Variants in METTL24 observed in about 807,000 individuals in gnomAD.
METTL24 encodes the protein methyltransferase like 24, also known as probable methyltransferase-like protein 24.
Under a neutral mutation model 32.7 loss-of-function variants are expected in METTL24, and 29 were observed. The observed-to-expected ratio is 0.89, with a 90% CI of 0.66 to 1.21. The LOEUF is 1.21. Ranked by LOEUF, METTL24 falls within the 50% of genes most tolerant of loss-of-function variation. The probability of loss-of-function intolerance (pLI) is 0.00; values close to 1 mark genes in which losing one functional copy is unlikely to be tolerated. For synonymous variants in METTL24, 163 were observed against 179.5 expected (o/e 0.91, Z 0.73); for missense variants, 439 against 468.1 (o/e 0.94, Z 0.57).
chr6:110,357,811 A>G (rs1412150511), intron 1 of METTL24, 144 bp downstream of exon 1: 3 of 270,484 alleles, frequency 1.1e-5, no homozygotes, highest in South Asian at 1.5e-4. Flanking sequence ...GGAGCCGCCT[A>G]AGAGAGCACA....
chr6:110,331,957 T>C (rs1460938108), intron 1 of METTL24, among the ~76,000 whole-genome samples: 2 of 152,148 alleles, frequency 1.3e-5, no homozygotes, highest in African/African-American at 4.8e-5. Flanking sequence ...GCCCCCTCCC[T>C]GTCAAGACCC....
rs1164792975 is a variant in METTL24 at position 110,306,348 on chromosome 6, TA to T, written c.558-7199del. Among the ~76,000 whole-genome samples the T allele has an allele frequency of 7.9e-5, 12 of 150,978 alleles. No individual in the cohort carries two copies. The East Asian group carries it at 2.3e-3, about 29-fold the overall frequency. On this transcript the variant is annotated intron_variant, in intron 3 of 4. Transcript: ENST00000338882. ...AAATATTATTTAAATAAAATAAAAC[TA>T]AAAAAAAGAAAACAGTTTTTTACCA...
chr6:110,281,648 C>CAAA (rs551905021), intron 4 of METTL24, among the ~76,000 whole-genome samples: 1 of 116,030 alleles, frequency 8.6e-6, no homozygotes, highest in Non-Finnish European at 1.8e-5. Context: ...GACTCTGTCT[C>CAAA]AAAAAAAAAA....
intron 4 of METTL24, among the ~76,000 whole-genome samples, chr6:110,292,901 A>C (rs114077192): frequency 6.6e-6 from 1 of 151,884 alleles, no homozygotes; most frequent in African/African-American, 2.4e-5. Flanking sequence ...TCATATATCA[A>C]CTCTGGAGGT....
At chr6:110,329,156 A>G (rs146438371) in intron 1 of METTL24, among the ~76,000 whole-genome samples, 7 of 152,348 alleles carry the variant, frequency 4.6e-5, no homozygotes, top group African/African-American at 1.7e-4. Context: ...TAAAGTCTCA[A>G]TACTCCCAAA....
intron 1 of METTL24, 82 bp downstream of exon 1, chr6:110,357,873 G>C: frequency 1.3e-6 from 1 of 782,106 alleles, no homozygotes; most frequent in Non-Finnish European, 1.6e-6. Context: ...GGCGGCCTGC[G>C]GGACCTGAGC....
At chr6:110,265,726 A>G (rs971387057) in intron 4 of METTL24, among the ~76,000 whole-genome samples, 1 of 152,144 alleles carries the variant, frequency 6.6e-6, no homozygotes, top group Non-Finnish European at 1.5e-5. Context: ...GGAGGTAGGG[A>G]GAGCTGGATG....
At chr6:110,277,409 T>C (rs187831674) in intron 4 of METTL24, among the ~76,000 whole-genome samples, 201 of 152,284 alleles carry the variant, frequency 1.3e-3, no homozygotes, top group African/African-American at 4.6e-3. Context: ...CAGAGGAAGC[T>C]GAAACCAAAA....
chr6:110,250,448 C>T (rs1038033945), intron 4 of METTL24, among the ~76,000 whole-genome samples: 1 of 151,918 alleles, frequency 6.6e-6, no homozygotes, highest in South Asian at 2.1e-4. Flanking sequence ...CTCATTTTAA[C>T]GAATTACATC....
intron 4 of METTL24, among the ~76,000 whole-genome samples, chr6:110,279,526 A>T (rs1373489669): frequency 6.6e-6 from 1 of 152,222 alleles, no homozygotes; most frequent in African/African-American, 2.4e-5. Context: ...AAAACTGGAG[A>T]TAATCTATAT....
At chr6:110,326,366 C>T (rs1177471273) in intron 1 of METTL24, among the ~76,000 whole-genome samples, 1 of 152,222 alleles carries the variant, frequency 6.6e-6, no homozygotes, top group African/African-American at 2.4e-5. Context: ...ATCATTTTCC[C>T]TGCATCTCTA....
intron 4 of METTL24, among the ~76,000 whole-genome samples, chr6:110,283,106 G>T (rs1000574994): frequency 6.6e-6 from 1 of 152,040 alleles, no homozygotes; most frequent in Non-Finnish European, 1.5e-5. Flanking sequence ...AGACCTTTTT[G>T]CTGTCTTTAA....
Position 110,244,970 on chromosome 6 carries a change from T to TTTATCTATCTATCTATC in METTL24, c.*975_*976insGATAGATAGATAGATAA, listed in dbSNP as rs142492216. ...AAACATGCCAGTAGGAAAATCTATC[T>TTTATCTATCTATCTATC]TATCTATCTATCTATCTATCTATCT... is the stretch of plus-strand genomic sequence containing the variant. On this transcript the variant is annotated 3_prime_UTR_variant, in exon 5 of 5. Transcript: ENST00000338882. Among the ~76,000 whole-genome samples the TTTATCTATCTATCTATC allele has an allele frequency of 1.5e-3, 227 of 150,082 alleles. 1 individual carries two copies. Among genetic ancestry groups the TTTATCTATCTATCTATC allele is most frequent in the African/African-American group, 5.4e-3 (219 of 40,400 alleles).
chr6:110,244,610 T>C lies in METTL24; in HGVS notation c.*1336A>G, dbSNP rs1778114960. ...GTGGAAGGGGAAGCAAACACATCCT[T>C]CTTCATATGGCAGCAGGAAGGAGAA... On this transcript the variant is annotated 3_prime_UTR_variant, in exon 5 of 5. Coordinates refer to ENST00000338882, the MANE Select transcript of METTL24 (RefSeq NM_001123364.3). 6.6e-6 allele frequency among the ~76,000 whole-genome samples: 1 copy of C among 152,072 alleles called. No individual in the cohort carries two copies. The highest frequency in any genetic ancestry group is 2.4e-5 in the African/African-American group (1 of 41,396).
chr6:110,333,954 A>G (rs72935938), intron 1 of METTL24, among the ~76,000 whole-genome samples: 4,490 of 151,810 alleles, frequency 0.03, 95 homozygotes, highest in African/African-American at 0.058. Flanking sequence ...GATTTTCTGT[A>G]TTTCATCATT....
At position 110,335,126 on chromosome 6, in the gene METTL24, C is replaced by T. The variant is rs906576930; in HGVS notation, c.319-12254G>A. The stretch of plus-strand genomic sequence containing the variant: ...AAGGAAAAATCCACAGTCTTTATTA[C>T]GAAGTGGCCTTTTTCAGGGACATGA... On this transcript the variant is annotated intron_variant, in intron 1 of 4. Transcript: ENST00000338882. 5.9e-5 allele frequency among the ~76,000 whole-genome samples: 9 copies of T among 152,160 alleles called. 1 individual carries two copies. In the South Asian group the frequency reaches 8.3e-4, roughly 14 times the overall value.
At chr6:110,289,414 C>T (rs189476096) in intron 4 of METTL24, among the ~76,000 whole-genome samples, 2 of 151,156 alleles carry the variant, frequency 1.3e-5, no homozygotes, top group Non-Finnish European at 1.5e-5. Flanking sequence ...TAAAAGCATG[C>T]AAAACTAGAA....
chr6:110,323,715 C>A (rs1156594302), intron 1 of METTL24, among the ~76,000 whole-genome samples: 2 of 152,026 alleles, frequency 1.3e-5, no homozygotes, highest in Non-Finnish European at 2.9e-5. Context: ...TGCTGCAATT[C>A]CCAGGGGTGG....
intron 1 of METTL24, among the ~76,000 whole-genome samples, chr6:110,348,252 A>C (rs1772520340): frequency 6.6e-6 from 1 of 152,228 alleles, no homozygotes; most frequent in Admixed American, 6.5e-5. Flanking sequence ...ACTCAAGTTC[A>C]GAGAGGATAT....
Sources: allele counts gnomAD v4.1 joint callset (sites outside exome capture counted in the v4.1 genomes callset), GRCh38; gene constraint gnomAD v4.1.1; transcripts MANE v1.5; gene names NCBI Gene and HGNC (gene_info 2026-07-23, HGNC 2026-07-21).